The following AMMECR1 variants were observed in gnomAD, a reference collection of about 807,000 sequenced individuals.
AMMECR1 encodes AMMECR nuclear protein 1.
AMMECR1 carries 3 observed loss-of-function variants against 22.5 expected under a neutral mutation model. The observed-to-expected ratio is 0.13, with a 90% CI of 0.06 to 0.35. AMMECR1 has a LOEUF of 0.35. AMMECR1 is among the 10% of genes least tolerant of loss of function. The pLI is 1.00. For missense variants in AMMECR1, 235 were observed against 278.7 expected, an observed-to-expected ratio of 0.84 and a Z score of 1.12; for synonymous variants, 130 against 116.7, an observed-to-expected ratio of 1.11 and a Z score of -0.74.
chrX:110,417,555 G>A lies in AMMECR1; in HGVS notation c.-148+9103C>T, dbSNP rs915691993. ...ATTATTATGTCTTTGCATCTTCCCA[G>A]CAGGTTTTGTGATGGAGGTGGGTAA... On this transcript the variant is annotated intron_variant, in intron 2 of 7. Transcript: ENST00000372057. 3.6e-5 allele frequency among the ~76,000 whole-genome samples: 4 copies of A among 111,923 alleles called. No individual in the cohort carries two copies. The Admixed American group carries it at 3.8e-4, about 11-fold the overall frequency.
intron 1 of AMMECR1, among the ~76,000 whole-genome samples, chrX:110,292,638 A>C (rs2067914812): frequency 1.8e-5 from 2 of 112,559 alleles, no homozygotes; most frequent in South Asian, 7.3e-4. Flanking sequence ...TATGATTCCA[A>C]CGATGTGACA....
At chrX:110,399,186 G>T (rs1277041881) in intron 2 of AMMECR1, among the ~76,000 whole-genome samples, 2 of 112,273 alleles carry the variant, frequency 1.8e-5, no homozygotes, top group South Asian at 3.7e-4. Flanking sequence ...TCACTGCCAG[G>T]CACTCTCCTA....
At chrX:110,368,784 G>T (rs2068316108) in intron 2 of AMMECR1, among the ~76,000 whole-genome samples, 1 of 111,528 alleles carries the variant, frequency 9.0e-6, no homozygotes, top group African/African-American at 3.3e-5. Flanking sequence ...GTGGTAGCTG[G>T]CACATAATAG....
At chrX:110,222,031 G>T in intron 2 of AMMECR1, among the ~76,000 whole-genome samples, 1 of 110,514 alleles carries the variant, frequency 9.0e-6, no homozygotes, top group Admixed American at 9.6e-5. Context: ...TGTGGAAGTC[G>T]GTGTGGCGAT....
intron 2 of AMMECR1, among the ~76,000 whole-genome samples, chrX:110,420,592 C>T (rs1244713675): frequency 8.9e-6 from 1 of 112,109 alleles, no homozygotes. Flanking sequence ...CTGTTTAGGA[C>T]TTAAACAAAC....
chrX:110,393,984 A>G (rs12387996), intron 2 of AMMECR1, among the ~76,000 whole-genome samples: 1,361 of 112,581 alleles, frequency 0.012, 10 homozygotes, highest in African/African-American at 0.024. Context: ...AAAGCGCTCA[A>G]TGAGCGCTTT....
intron 2 of AMMECR1, among the ~76,000 whole-genome samples, chrX:110,372,367 G>A (rs988713988): frequency 1.7e-4 from 19 of 112,450 alleles, no homozygotes; most frequent in South Asian, 3.7e-4. Context: ...AAGTGGCACC[G>A]TTCTTCACAT....
At chrX:110,291,127 G>A (rs984665974) in intron 1 of AMMECR1, among the ~76,000 whole-genome samples, 4 of 111,707 alleles carry the variant, frequency 3.6e-5, no homozygotes, top group African/African-American at 1.3e-4. Context: ...TAATAGTGGA[G>A]TGGGGAAGAG....
upstream of AMMECR1, chrX:110,318,246 G>A: frequency 6.0e-6 from 1 of 167,502 alleles, no homozygotes; most frequent in Non-Finnish European, 9.6e-6. Context: ...GCGCGCCCCC[G>A]CCTCGGTGCG....
chrX:110,360,355 T>C (rs1006253400), intron 2 of AMMECR1, among the ~76,000 whole-genome samples: 3 of 111,988 alleles, frequency 2.7e-5, no homozygotes, highest in Non-Finnish European at 5.6e-5. Flanking sequence ...AGGCAAAATA[T>C]GCATAGCACT....
rs191017783 is a variant in AMMECR1, at chrX:110,423,955, T to A, written c.-148+2703A>T. Among the ~76,000 whole-genome samples the A allele has an allele frequency of 1.8e-4, 20 of 112,811 alleles. No homozygotes were observed. The East Asian group carries it at 5.6e-3, about 31-fold the overall frequency. Reference sequence around the variant, plus strand: ...CTGTAGTTTTTTCATGGCATTTTGCTAAAGATGCACATTCATTAATTCATC... The same window carrying A: ...CTGTAGTTTTTTCATGGCATTTTGCAAAAGATGCACATTCATTAATTCATC... On this transcript the variant is annotated intron_variant, in intron 2 of 7. Coordinates refer to the AMMECR1 transcript ENST00000372057.
intron 2 of AMMECR1, among the ~76,000 whole-genome samples, chrX:110,386,126 A>C (rs1194932948): frequency 9.0e-6 from 1 of 110,703 alleles, no homozygotes; most frequent in African/African-American, 3.3e-5. Context: ...ATATGTTTTT[A>C]AATCTCTTGG....
chrX:110,333,710 A>C (rs780645148), intron 2 of AMMECR1, among the ~76,000 whole-genome samples: 2 of 111,092 alleles, frequency 1.8e-5, no homozygotes, highest in South Asian at 7.7e-4. Context: ...ATTCTCAGCA[A>C]ACTATCACAA....
At chrX:110,343,229 C>T (rs2068172516) in intron 2 of AMMECR1, among the ~76,000 whole-genome samples, 1 of 111,626 alleles carries the variant, frequency 9.0e-6, no homozygotes, top group African/African-American at 3.3e-5. Flanking sequence ...TAAACAGAAC[C>T]AAAGACAAAA....
intron 1 of AMMECR1, among the ~76,000 whole-genome samples, chrX:110,275,365 A>G (rs747640937): frequency 2.7e-5 from 3 of 110,366 alleles, no homozygotes; most frequent in Non-Finnish European, 5.7e-5. Context: ...CAAATTTGAG[A>G]TTGGCAGTAT....
rs142259277 is a variant in AMMECR1, at chrX:110,428,017, G to A, written c.-293-1214C>T. On this transcript the variant is annotated intron_variant, in intron 1 of 7. Transcript: ENST00000372057. ...GATGCCCCTCCTCTGTACTCCCACA[G>A]CGTCCACAACATAGCACTGGATACA... 1.9e-4 allele frequency among the ~76,000 whole-genome samples: 21 copies of A among 112,049 alleles called. No individual in the cohort carries two copies. The East Asian group carries it at 5.9e-3, about 32-fold the overall frequency.
Position 110,312,298 on chromosome X carries a change from TAC to T in AMMECR1, c.473+5299_473+5300del, listed in dbSNP as rs1350220926. Among the ~76,000 whole-genome samples, 3 of 112,688 alleles carry T rather than the reference TAC, an allele frequency of 2.7e-5. No individual in the cohort carries two copies. The East Asian group carries it at 8.3e-4, about 31-fold the overall frequency. ...AACACAAATTTGGTTTCAAAAAGCA[TAC>T]AGTTTTTAAAAAGACAACAACACAC... On this transcript the variant is annotated intron_variant, in intron 1 of 5. Transcript: ENST00000262844.
intron 2 of AMMECR1, among the ~76,000 whole-genome samples, chrX:110,327,495 T>C (rs2068102272): frequency 8.9e-6 from 1 of 111,845 alleles, no homozygotes; most frequent in African/African-American, 3.2e-5. Flanking sequence ...ACATGCATGT[T>C]GCATGTTGCA....
chrX:110,223,635 A>T (rs926912666), intron 2 of AMMECR1, among the ~76,000 whole-genome samples: 1 of 111,859 alleles, frequency 8.9e-6, no homozygotes, highest in Non-Finnish European at 1.9e-5. Flanking sequence ...ATAAAACTGA[A>T]TGAACCACCT....
Sources: gnomAD v4.1 joint callset for allele counts (sites outside exome capture counted in the v4.1 genomes callset) on GRCh38, gnomAD v4.1.1 for gene constraint, MANE v1.5 for transcripts, NCBI Gene and HGNC (gene_info 2026-07-23, HGNC 2026-07-21) for gene names.